The following RAB6A variants were observed in gnomAD, a reference collection of about 807,000 sequenced individuals.
The protein encoded by RAB6A is RAB6A, member RAS oncogene family, also known as ras-related protein Rab-6A.
Under a neutral mutation model 32.3 loss-of-function variants are expected in RAB6A, and 8 were observed. The ratio of observed to expected loss-of-function variants is 0.25; its 90% confidence interval spans 0.15 to 0.45. RAB6A has a LOEUF of 0.45. RAB6A is among the 20% of genes least tolerant of loss of function. The pLI is 1.00. For missense variants in RAB6A, 104 were observed against 249.4 expected, an observed-to-expected ratio of 0.42 and a Z score of 3.93; for synonymous variants, 73 against 82.1, an observed-to-expected ratio of 0.89 and a Z score of 0.60.
intron 1 of RAB6A, among the ~76,000 whole-genome samples, chr11:73,745,659 T>C (rs1212763307): frequency 1.3e-5 from 2 of 151,952 alleles, no homozygotes; most frequent in East Asian, 3.9e-4. Context: ...GGTGAAACCC[T>C]GTCTCTACTA....
intron 1 of RAB6A, among the ~76,000 whole-genome samples, chr11:73,753,106 C>T (rs1015085025): frequency 3.9e-5 from 6 of 152,072 alleles, no homozygotes; most frequent in East Asian, 2.0e-4. Context: ...TTTAATCAGC[C>T]GAGCGCAATG....
intron 1 of RAB6A, among the ~76,000 whole-genome samples, chr11:73,737,474 C>A (rs767354382): frequency 1.4e-4 from 21 of 151,824 alleles, no homozygotes; most frequent in South Asian, 4.1e-4. Flanking sequence ...CAGAGCAAGA[C>A]CCTGTTTCTA....
At chr11:73,686,177 CATA>C (rs1361491626) in intron 6 of RAB6A, among the ~76,000 whole-genome samples, 5 of 152,166 alleles carry the variant, frequency 3.3e-5, no homozygotes, top group African/African-American at 1.2e-4. Flanking sequence ...AAATTGTCCT[CATA>C]ATATTACAAC....
intron 6 of RAB6A, among the ~76,000 whole-genome samples, chr11:73,694,093 C>T: frequency 6.6e-6 from 1 of 152,172 alleles, no homozygotes; most frequent in East Asian, 1.9e-4. Flanking sequence ...GCCTCACCCT[C>T]AAAGACTGAT....
Position 73,718,635 on chromosome 11 carries a change from T to C in RAB6A, c.267A>G (p.Ala89=), listed in dbSNP as rs750601730. ...IPSYIRDSTV[A]VVVYDITNVN... is the part of the protein sequence containing the mutation. ...CACTTGTGATATCATAAACAACAACTGCCACAGTGGAGTCACGAATGTAGC... is the reference window on the plus strand; with the variant it reads ...CACTTGTGATATCATAAACAACAACCGCCACAGTGGAGTCACGAATGTAGC... Residue 89 remains alanine (A), a synonymous_variant, in exon 4 of 8, where the codon GCA becomes GCG. Transcript: ENST00000336083. The C allele has an allele frequency of 6.2e-7, 1 of 1,613,684 alleles. No homozygotes were observed. Among genetic ancestry groups the C allele is most frequent in the South Asian group, 1.1e-5 (1 of 91,038 alleles).
intron 5 of RAB6A, among the ~76,000 whole-genome samples, chr11:73,713,390 G>C (rs1275579545): frequency 9.2e-5 from 14 of 152,126 alleles, no homozygotes; most frequent in Non-Finnish European, 1.5e-5. Flanking sequence ...CTAACACGGT[G>C]AAACCCCGTC....
At chr11:73,759,658 GAATA>G (rs1039824618) in intron 1 of RAB6A, among the ~76,000 whole-genome samples, 9 of 152,082 alleles carry the variant, frequency 5.9e-5, no homozygotes, top group African/African-American at 2.2e-4. Context: ...AAGAAGGAAT[GAATA>G]ATTAACATTT....
intron 6 of RAB6A, among the ~76,000 whole-genome samples, chr11:73,691,466 T>C (rs1448311235): frequency 2.6e-5 from 4 of 152,216 alleles, no homozygotes; most frequent in Admixed American, 1.3e-4. Flanking sequence ...ATACTCCAAG[T>C]AGCACCAGTA....
At chr11:73,693,578 T>TA (rs1208763499) in intron 6 of RAB6A, among the ~76,000 whole-genome samples, 16 of 142,124 alleles carry the variant, frequency 1.1e-4, no homozygotes, top group African/African-American at 3.9e-4. Flanking sequence ...TTTTTTTTTT[T>TA]AAAGAAGAAA....
rs184026210 is a variant in RAB6A at position 73,745,216 on chromosome 11, G to A, written c.71-14393C>T. 3.9e-5 allele frequency among the ~76,000 whole-genome samples: 6 copies of A among 152,166 alleles called. No homozygotes were observed. In the East Asian group the frequency reaches 1.2e-3, roughly 29 times the overall value. On this transcript the variant is annotated intron_variant, in intron 1 of 7. Coordinates refer to ENST00000336083, the MANE Select transcript of RAB6A (RefSeq NM_198896.2). ...TAGTTTACCTCTCTCAACTACACAC[G>A]ATAAAATAAGAAACAAGAACTGTAT...
At position 73,718,695 on chromosome 11, in the gene RAB6A, T is replaced by G; in HGVS notation, c.207A>C (p.Thr69=). The G allele has an allele frequency of 6.2e-7, 1 of 1,614,178 alleles. No homozygotes were observed. Among genetic ancestry groups the G allele is most frequent in the Non-Finnish European group, 8.5e-7 (1 of 1,180,032 alleles). Residue 69 remains threonine (T), a synonymous_variant, in exon 4 of 8, where the codon ACA becomes ACC. Coordinates refer to ENST00000336083, the MANE Select transcript of RAB6A (RefSeq NM_198896.2). ...AGCTCCTGAACCGCTCTTGACCTGC[T>G]GTGTCCCATAATTGCAATCGTACCT... ...DRTVRLQLWD[T]AGQERFRSLI...
intron 5 of RAB6A, among the ~76,000 whole-genome samples, chr11:73,714,123 C>T (rs1212043309): frequency 2.1e-5 from 3 of 142,968 alleles, no homozygotes; most frequent in African/African-American, 7.8e-5. Flanking sequence ...GCCTGGGAGA[C>T]TGAGGTTGCA....
At chr11:73,743,521 A>G (rs1046960890) in intron 1 of RAB6A, among the ~76,000 whole-genome samples, 1 of 151,952 alleles carries the variant, frequency 6.6e-6, no homozygotes, top group Non-Finnish European at 1.5e-5. Context: ...CAACTACTCA[A>G]GAGTATCAGG....
At chr11:73,695,708 G>C (rs1286678951) in intron 6 of RAB6A, among the ~76,000 whole-genome samples, 2 of 152,122 alleles carry the variant, frequency 1.3e-5, no homozygotes, top group Non-Finnish European at 2.9e-5. Flanking sequence ...AGACATTCTA[G>C]GGCATCTTTG....
intron 6 of RAB6A, among the ~76,000 whole-genome samples, chr11:73,686,729 T>C (rs1945462754): frequency 6.6e-6 from 1 of 152,182 alleles, no homozygotes; most frequent in Admixed American, 6.6e-5. Context: ...AGGTTCTCTT[T>C]AGTGAAAAGT....
At chr11:73,729,978 C>T (rs954824501) in intron 2 of RAB6A, 2 of 152,506 alleles carry the variant, frequency 1.3e-5, no homozygotes, top group African/African-American at 4.8e-5. Context: ...CCCCAGCCAC[C>T]TGCCTTTTAA....
intron 1 of RAB6A, among the ~76,000 whole-genome samples, chr11:73,738,692 G>A (rs943374519): frequency 2.0e-5 from 3 of 151,892 alleles, no homozygotes; most frequent in African/African-American, 4.8e-5. Flanking sequence ...GGCCAGGAGC[G>A]GTCGCACTTT....
intron 5 of RAB6A, among the ~76,000 whole-genome samples, chr11:73,713,499 G>A (rs1052698133): frequency 1.3e-5 from 2 of 151,788 alleles, no homozygotes; most frequent in Admixed American, 1.3e-4. Flanking sequence ...ACCCGGGAGG[G>A]GGAGCTTGCA....
chr11:73,750,038 T>A (rs909531473), intron 1 of RAB6A, among the ~76,000 whole-genome samples: 30 of 152,292 alleles, frequency 2.0e-4, no homozygotes, highest in Admixed American at 4.6e-4. Context: ...ATATTTTTTT[T>A]AAATCTGCCT....
Sources: allele counts gnomAD v4.1 joint callset (sites outside exome capture counted in the v4.1 genomes callset), GRCh38; gene constraint gnomAD v4.1.1; transcripts MANE v1.5; gene names NCBI Gene and HGNC (gene_info 2026-07-23, HGNC 2026-07-21).